The following AVEN variants were observed in gnomAD, a reference collection of about 807,000 sequenced individuals.
The protein encoded by AVEN is apoptosis and caspase activation inhibitor.
Under a neutral mutation model 38.1 loss-of-function variants are expected in AVEN, and 41 were observed. That is an observed-to-expected ratio of 1.08 (90% confidence interval 0.84 to 1.40). The LOEUF is 1.40. AVEN is among the 40% of genes most tolerant of loss of function. The pLI is 0.00. For missense variants in AVEN, 605 were observed against 438.8 expected (o/e 1.38, Z -3.38); for synonymous variants, 206 against 171.8 (o/e 1.20, Z -1.56).
chr15:34,054,071 A>G (rs949804698), intron 5 of AVEN, among the ~76,000 whole-genome samples: 6 of 151,542 alleles, frequency 4.0e-5, no homozygotes, highest in South Asian at 2.1e-4. Flanking sequence ...AAAAAACGTG[A>G]AAAAAAAACT....
chr15:33,955,773 A>T (rs1014203515), intron 2 of AVEN, among the ~76,000 whole-genome samples: 10 of 152,214 alleles, frequency 6.6e-5, no homozygotes, highest in African/African-American at 2.4e-4. Context: ...TACCTTTGCA[A>T]CCAAAGGGAG....
chr15:33,855,062 T>C, downstream of AVEN: 1 of 751,210 alleles, frequency 1.3e-6, no homozygotes, highest in South Asian at 4.9e-5. Context: ...ATGGTGATTG[T>C]TTTTGCAAAA....
intron 4 of AVEN, chr15:34,064,335 C>A (rs777257902): frequency 6.3e-7 from 1 of 1,595,870 alleles, no homozygotes; most frequent in Admixed American, 1.7e-5. Context: ...CAACTCCTCT[C>A]GAAAGAACAA....
At chr15:33,899,317 G>A (rs1228547966) in intron 2 of AVEN, among the ~76,000 whole-genome samples, 4 of 152,024 alleles carry the variant, frequency 2.6e-5, no homozygotes, top group African/African-American at 9.7e-5. Context: ...GCTACCATAT[G>A]GTAGTAGAAC....
chr15:34,027,373 T>TA (rs1410435832), intron 1 of AVEN, among the ~76,000 whole-genome samples: 1 of 150,812 alleles, frequency 6.6e-6, no homozygotes, highest in Admixed American at 6.6e-5. Context: ...AAAATAAAAA[T>TA]AAAAAAACAG....
intron 2 of AVEN, among the ~76,000 whole-genome samples, chr15:33,921,933 G>A (rs779382728): frequency 2.0e-5 from 3 of 152,256 alleles, no homozygotes; most frequent in African/African-American, 4.8e-5. Context: ...AGCAGGGAGC[G>A]GAGGGTGGGG....
intron 2 of AVEN, among the ~76,000 whole-genome samples, chr15:33,891,544 TGC>T (rs1891967781): frequency 6.6e-6 from 1 of 152,166 alleles, no homozygotes; most frequent in Admixed American, 6.5e-5. Flanking sequence ...TTCATGTCCC[TGC>T]AAAGAACATG....
intron 2 of AVEN, among the ~76,000 whole-genome samples, chr15:33,899,531 G>A (rs148600426): frequency 0.01 from 1,322 of 127,908 alleles, 26 homozygotes; most frequent in African/African-American, 0.038. Context: ...GTGCAGTGGC[G>A]CCATCTCAGC....
intron 2 of AVEN, among the ~76,000 whole-genome samples, chr15:33,905,216 AAAC>A (rs1280443454): frequency 5.5e-4 from 18 of 32,554 alleles, no homozygotes; most frequent in Non-Finnish European, 2.8e-3. Flanking sequence ...CAAAACAAAC[AAAC>A]AAAAAAACCC....
chr15:33,958,630 C>A (rs969062617), intron 2 of AVEN, among the ~76,000 whole-genome samples: 2 of 151,750 alleles, frequency 1.3e-5, no homozygotes, highest in African/African-American at 4.8e-5. Context: ...AAGAAAACTT[C>A]TTTATACACT....
intron 5 of AVEN, among the ~76,000 whole-genome samples, 162 bp downstream of exon 5, chr15:33,867,333 C>T (rs111712854): frequency 0.072 from 11,017 of 152,142 alleles, 1,327 homozygotes; most frequent in African/African-American, 0.25. Context: ...GAAAGGTCAG[C>T]TCAGGGGGAA....
intron 5 of AVEN, 92 bp from the exon 6 acceptor site, chr15:33,866,820 G>C (rs1244259413): frequency 1.2e-6 from 1 of 869,074 alleles, no homozygotes; most frequent in Non-Finnish European, 1.8e-6. Context: ...TTACAACAAG[G>C]GGAAACATTC....
At chr15:33,864,753 G>T (rs190243465), downstream of AVEN, 8 of 197,280 alleles carry the variant, frequency 4.1e-5, no homozygotes, top group Non-Finnish European at 8.3e-5. Flanking sequence ...AATGGGAGAG[G>T]TACCTGGTTT....
chr15:33,867,657 G>T lies in AVEN; in HGVS notation c.811C>A (p.Pro271Thr). The part of the protein sequence containing the change: ...SPGPSRDSQK[P>T]TSPLQSAGDH... Reference sequence around the variant, plus strand: ...CCTGCTGACTGCAGTGGGGAAGTGGGTTTCTGAGAATCCCTTGAAGGACCC... The same window carrying T: ...CCTGCTGACTGCAGTGGGGAAGTGGTTTTCTGAGAATCCCTTGAAGGACCC... The change falls in exon 5 of 6, where the codon CCC (proline) becomes ACC (threonine). Residue 271 changes from proline (P) to threonine (T), a missense_variant. Pro to Thr is a conservative substitution (Grantham distance 38, BLOSUM62 -1). Transcript: ENST00000306730. The T allele has an allele frequency of 6.2e-7, 1 of 1,614,168 alleles. No homozygotes were observed. The highest frequency in any genetic ancestry group is 8.5e-7 in the Non-Finnish European group (1 of 1,180,032).
chr15:34,006,860 TA>T (rs975059523), intron 1 of AVEN, among the ~76,000 whole-genome samples: 1 of 152,204 alleles, frequency 6.6e-6, no homozygotes, highest in African/African-American at 2.4e-5. Context: ...CTAGAGGTTT[TA>T]TAGGTTCATT....
intron 2 of AVEN, among the ~76,000 whole-genome samples, chr15:33,893,298 A>G (rs1892066203): frequency 1.3e-5 from 2 of 152,210 alleles, no homozygotes; most frequent in Admixed American, 1.3e-4. Flanking sequence ...GTCTTGTGCC[A>G]GTTTTCAAAG....
At chr15:33,874,438 A>G (rs574083672) in intron 3 of AVEN, among the ~76,000 whole-genome samples, 1 of 151,904 alleles carries the variant, frequency 6.6e-6, no homozygotes, top group Non-Finnish European at 1.5e-5. Flanking sequence ...TACCATTTTC[A>G]TGTTGTTTCC....
chr15:33,970,798 G>A (rs768424527), intron 2 of AVEN, among the ~76,000 whole-genome samples: 1 of 151,882 alleles, frequency 6.6e-6, no homozygotes, highest in Non-Finnish European at 1.5e-5. Flanking sequence ...TCATTGTAAT[G>A]TAAACAGAGA....
At chr15:33,951,184 C>T (rs551068408) in intron 2 of AVEN, among the ~76,000 whole-genome samples, 2 of 152,066 alleles carry the variant, frequency 1.3e-5, no homozygotes, top group African/African-American at 4.8e-5. Flanking sequence ...CATTCCTATG[C>T]GCAGCACCAA....
Sources: gnomAD v4.1 joint callset for allele counts (sites outside exome capture counted in the v4.1 genomes callset) on GRCh38, gnomAD v4.1.1 for gene constraint, MANE v1.5 for transcripts, NCBI Gene and HGNC (gene_info 2026-07-23, HGNC 2026-07-21) for gene names.